GLIS3: variants seen among roughly 807,000 people sequenced by gnomAD.
The protein encoded by GLIS3 is GLIS family zinc finger 3, also known as zinc finger protein GLIS3.
A neutral mutation model predicts 78.6 loss-of-function variants in GLIS3; 53 were observed. The observed-to-expected ratio is 0.67, with a 90% confidence interval of 0.54 to 0.85. The LOEUF (loss-of-function observed/expected upper bound fraction) is 0.85, where lower values mean the gene tolerates loss of function less well. Among genes scored for constraint, GLIS3 ranks in the 40% least tolerant of loss-of-function variants. GLIS3 has a pLI of 0.00. For missense variants in GLIS3, 1,703 were observed against 1,231.1 expected (o/e 1.38, Z -5.74); for synonymous variants, 684 against 509.9 (o/e 1.34, Z -4.60).
At chr9:4,116,851 A>G (rs557317274) in intron 4 of GLIS3, among the ~76,000 whole-genome samples, 2 of 152,274 alleles carry the variant, frequency 1.3e-5, no homozygotes, top group Non-Finnish European at 2.9e-5. Flanking sequence ...TATAAAACAC[A>G]TGTTCTTCTT....
the GLIS3 span, among the ~76,000 whole-genome samples, chr9:4,487,226 G>C: frequency 6.6e-6 from 1 of 152,072 alleles, no homozygotes. Context: ...GAGTTCTCGT[G>C]GGTCTGAAGG....
chr9:4,048,744 G>C (rs1288243044), intron 4 of GLIS3, among the ~76,000 whole-genome samples: 1 of 152,070 alleles, frequency 6.6e-6, no homozygotes, highest in African/African-American at 2.4e-5. Context: ...CCCTCTCAAG[G>C]GCTGTCTTTC....
chr9:4,003,320 C>T (rs1372292196), intron 4 of GLIS3, among the ~76,000 whole-genome samples: 1 of 151,998 alleles, frequency 6.6e-6, no homozygotes, highest in Non-Finnish European at 1.5e-5. Context: ...CTCCATAGCA[C>T]AGTTATAAAC....
intron 7 of GLIS3, among the ~76,000 whole-genome samples, chr9:3,887,603 A>G (rs953371011): frequency 6.6e-6 from 1 of 152,176 alleles, no homozygotes; most frequent in Admixed American, 6.5e-5. Context: ...ACATTTCCAC[A>G]TCATGCAGCT....
At chr9:4,344,143 T>C (rs895630497) in intron 2 of GLIS3, among the ~76,000 whole-genome samples, 2 of 152,180 alleles carry the variant, frequency 1.3e-5, no homozygotes, top group Non-Finnish European at 2.9e-5. Flanking sequence ...CTTCCATCCC[T>C]TTCCATCTAC....
chr9:4,451,536 CAGA>C, the GLIS3 span, among the ~76,000 whole-genome samples: 1 of 152,202 alleles, frequency 6.6e-6, no homozygotes, highest in African/African-American at 2.4e-5. Flanking sequence ...CCCATATCAA[CAGA>C]ATATACATTC....
the GLIS3 span, among the ~76,000 whole-genome samples, chr9:4,475,797 A>G: frequency 5.9e-5 from 9 of 152,352 alleles, no homozygotes; most frequent in African/African-American, 2.2e-4. Flanking sequence ...TGAAGAATAA[A>G]CCAAACACTA....
chr9:4,114,425 C>G (rs746030219), intron 4 of GLIS3, among the ~76,000 whole-genome samples: 2 of 152,068 alleles, frequency 1.3e-5, no homozygotes, highest in Non-Finnish European at 2.9e-5. Flanking sequence ...GGGAAAGGGA[C>G]AAATTCAGAG....
At chr9:4,384,236 C>G in the GLIS3 span, among the ~76,000 whole-genome samples, 5 of 152,068 alleles carry the variant, frequency 3.3e-5, no homozygotes, top group East Asian at 9.6e-4. Context: ...TAAGGGGTTT[C>G]CATCATGGAG....
chr9:4,030,867 CATCATGTGCTGACATT>C (rs1563965714), intron 4 of GLIS3, among the ~76,000 whole-genome samples: 1 of 152,208 alleles, frequency 6.6e-6, no homozygotes, highest in Non-Finnish European at 1.5e-5. Context: ...AACACTGTAG[CATCATGTGCTGACATT>C]ATCAAAAGCT....
chr9:3,843,683 G>A (rs10124642), intron 9 of GLIS3, among the ~76,000 whole-genome samples: 3,699 of 152,250 alleles, frequency 0.024, 146 homozygotes, highest in African/African-American at 0.085. Context: ...ATGAATGTAG[G>A]TACTGCCACT....
chr9:3,978,225 T>G (rs1818944622), intron 4 of GLIS3, among the ~76,000 whole-genome samples: 1 of 151,998 alleles, frequency 6.6e-6, no homozygotes, highest in Non-Finnish European at 1.5e-5. Flanking sequence ...TTTTTTAAAC[T>G]GGGTGGGGAT....
At chr9:4,132,573 GACACTTATC>G (rs1833059304) in intron 2 of GLIS3, among the ~76,000 whole-genome samples, 1 of 152,084 alleles carries the variant, frequency 6.6e-6, no homozygotes, top group South Asian at 2.1e-4. Flanking sequence ...TTCGTTATCT[GACACTTATC>G]AAATGCCAAC....
the GLIS3 span, among the ~76,000 whole-genome samples, chr9:4,377,382 G>A: frequency 7.4e-6 from 1 of 135,188 alleles, no homozygotes; most frequent in Admixed American, 7.4e-5. Context: ...AGGTTCTTTG[G>A]CTTTTGGAAT....
chr9:4,368,176 C>A, the GLIS3 span, among the ~76,000 whole-genome samples: 1 of 152,216 alleles, frequency 6.6e-6, no homozygotes. Flanking sequence ...TTTATCCTTA[C>A]GTTTTAAAAA....
Position 4,173,137 on chromosome 9 carries a change from T to C in GLIS3, c.389-47196A>G, listed in dbSNP as rs561450163. Among the ~76,000 whole-genome samples, 33 of 152,264 alleles carry C rather than the reference T, an allele frequency of 2.2e-4. No individual in the cohort carries two copies. In the South Asian group the frequency reaches 4.8e-3, roughly 22 times the overall value. ...AATAACTCATTGCTTATTTTTACCT[T>C]ATCTTTAAATCTGGCAAAGGGTGAG... On this transcript the variant is annotated intron_variant, in intron 2 of 10. Coordinates refer to ENST00000381971, the MANE Select transcript of GLIS3 (RefSeq NM_001042413.2).
intron 6 of GLIS3, among the ~76,000 whole-genome samples, chr9:3,917,152 G>A (rs1328991190): frequency 2.0e-5 from 3 of 152,194 alleles, no homozygotes; most frequent in Non-Finnish European, 4.4e-5. Flanking sequence ...ATACTAGCCA[G>A]GAAATGAAAA....
chr9:3,914,905 CAAAGT>C (rs972489500), intron 6 of GLIS3, among the ~76,000 whole-genome samples: 3 of 152,190 alleles, frequency 2.0e-5, no homozygotes, highest in African/African-American at 7.2e-5. Context: ...GTGATGCCAC[CAAAGT>C]AAAGAGCTTG....
intron 4 of GLIS3, among the ~76,000 whole-genome samples, chr9:4,032,458 T>C (rs979006377): frequency 1.3e-5 from 2 of 151,964 alleles, no homozygotes; most frequent in African/African-American, 4.8e-5. Context: ...AAATTTTATA[T>C]TTTTATATAT....
Sources: allele counts gnomAD v4.1 joint callset (sites outside exome capture counted in the v4.1 genomes callset), GRCh38; gene constraint gnomAD v4.1.1; transcripts MANE v1.5; gene names NCBI Gene and HGNC (gene_info 2026-07-23, HGNC 2026-07-21).